The following IFT140 variants were observed in gnomAD, a reference collection of about 807,000 sequenced individuals.
IFT140 encodes intraflagellar transport protein 140 homolog.
Under a neutral mutation model 164.6 loss-of-function variants are expected in IFT140, and 133 were observed. The ratio of observed to expected loss-of-function variants is 0.81; its 90% CI spans 0.70 to 0.93. The LOEUF is 0.93. Among genes scored for constraint, IFT140 ranks in the 40% least tolerant of loss-of-function variants. The pLI is 0.00. For missense variants in IFT140, 2,045 were observed against 1,972.3 expected, an observed-to-expected ratio of 1.04 and a Z score of -0.70; for synonymous variants, 860 against 817.3, an observed-to-expected ratio of 1.05 and a Z score of -0.89.
rs1351365349 is a variant in IFT140, at chr16:1,592,167, G to C, written c.634+9C>G. 7 of 1,613,932 alleles carry C rather than the reference G, an allele frequency of 4.3e-6. No individual in the cohort carries two copies. The highest frequency in any genetic ancestry group is 1.7e-5 in the Admixed American group (1 of 59,998). On this transcript the variant is annotated intron_variant, in intron 6 of 30. Transcript: ENST00000426508. ...AGGACCCCTGAGAATCACAACCAAAGTTCCTCACCGTCCATCAGACTGACA... is the reference window on the plus strand; with the variant it reads ...AGGACCCCTGAGAATCACAACCAAACTTCCTCACCGTCCATCAGACTGACA...
chr16:1,564,009 G>A lies in IFT140; in HGVS notation c.2055C>T (p.Arg685=), dbSNP rs201447957. The A allele has an allele frequency of 7.0e-6, 11 of 1,582,548 alleles. No homozygotes were observed. The highest frequency in any genetic ancestry group is 5.1e-5 in the Admixed American group (3 of 58,524). ...QSANGQPQDG[R]AGPAADVLIL... is the part of the protein sequence containing the mutation. ...AGGCAGAGCGTACCGCAGGGCCAGC[G>A]CGCCCATCTTGGGGCTGCCCGTTTG... Residue 685 remains arginine (R), a synonymous_variant, in exon 17 of 31, where the codon CGC becomes CGT. Transcript: ENST00000426508. This position sits in a 1 kb window ranked among gnomAD's most constrained non-coding sequence, Gnocchi z 5.5.
chr16:1,524,183 A>C, intron 24 of IFT140: 1 of 638,516 alleles, frequency 1.6e-6, no homozygotes, highest in Non-Finnish European at 2.6e-6. Context: ...AATACCTGAC[A>C]CGGGAGATGC....
At chr16:1,517,531 G>C (rs1357608616) in intron 30 of IFT140, among the ~76,000 whole-genome samples, 1 of 152,152 alleles carries the variant, frequency 6.6e-6, no homozygotes, top group Non-Finnish European at 1.5e-5. Flanking sequence ...CCCTAGGATG[G>C]CTACAGTTCG....
At chr16:1,611,414 C>T (rs2036313650) in intron 1 of IFT140, among the ~76,000 whole-genome samples, 1 of 150,532 alleles carries the variant, frequency 6.6e-6, no homozygotes, top group African/African-American at 2.5e-5. Flanking sequence ...AGGAGAATCG[C>T]CTGAGCCCCG....
At chr16:1,603,824 G>C (rs554070665) in intron 3 of IFT140, among the ~76,000 whole-genome samples, 10 of 152,170 alleles carry the variant, frequency 6.6e-5, no homozygotes, top group Non-Finnish European at 1.5e-4. Context: ...CAGCTTTGGG[G>C]AAGATATAAG....
At position 1,551,754 on chromosome 16, in the gene IFT140, C is replaced by G. The variant is rs2032657059; in HGVS notation, c.2399+6181G>C. ...TTGGGAGCTACCTATACAAAGGAGG[C>G]CACACCACACGTGCGTGGTCCGGCA... On this transcript the variant is annotated intron_variant, in intron 19 of 30. Coordinates refer to ENST00000426508, the MANE Select transcript of IFT140 (RefSeq NM_014714.4). The surrounding 1 kb of genome is among the most constrained non-coding windows in gnomAD (Gnocchi z 4.0). Among the ~76,000 whole-genome samples, 2 of 152,188 alleles carry G rather than the reference C, an allele frequency of 1.3e-5. No individual in the cohort carries two copies. The highest frequency in any genetic ancestry group is 1.3e-4 in the Admixed American group (2 of 15,282).
At chr16:1,511,539 CAGA>C (rs1213299331) in intron 30 of IFT140, among the ~76,000 whole-genome samples, 2 of 151,860 alleles carry the variant, frequency 1.3e-5, no homozygotes, top group East Asian at 3.9e-4. Context: ...ATGCATATGT[CAGA>C]GTGGAGGGCA....
In IFT140 at chr16:1,520,932, G is replaced by A. The variant is rs542802131; in HGVS notation, c.3454-124C>T. On this transcript the variant is annotated intron_variant, in intron 26 of 30. Coordinates refer to ENST00000426508, the MANE Select transcript of IFT140 (RefSeq NM_014714.4). ...CTCAGCGGCGGCTTCTGTCTAGCTG[G>A]GGTGGGTATGGAGGGGACAAGGATG... 1.1e-4 allele frequency: 92 copies of A among 811,762 alleles called. No homozygotes were observed. The South Asian group carries it at 1.6e-3, about 14-fold the overall frequency. The allele number at this position is 811,762 out of a possible 1,614,324, so 50.3% of individuals were successfully genotyped here. A position where few individuals can be genotyped will look rare whatever the true frequency, so the allele number is the denominator to read the frequency against.
rs1214446154 is a variant in IFT140 at position 1,525,213 on chromosome 16, C to A, written c.2864+18G>T. On this transcript the variant is annotated intron_variant, in intron 22 of 30. Coordinates refer to ENST00000426508, the MANE Select transcript of IFT140 (RefSeq NM_014714.4). Reference sequence around the variant, plus strand: ...CAGGATGGAGTGCGGTCCCACCAGCCCTGGTGGGGACACTCACTTATCCTT... The same window carrying A: ...CAGGATGGAGTGCGGTCCCACCAGCACTGGTGGGGACACTCACTTATCCTT... 6.4e-7 allele frequency: 1 copy of A among 1,559,394 alleles called. No individual in the cohort carries two copies. The highest frequency in any genetic ancestry group is 1.7e-5 in the Admixed American group (1 of 59,978).
rs761692949 is a variant in IFT140, at chr16:1,523,569, G to A, written c.3402C>T (p.Ile1134=). ...ALLARCSDFF[I]EHSQYERAVE... is the part of the protein sequence containing the mutation. ...CCGCCCTCTCGTACTGACTGTGCTC[G>A]ATGAAGAAGTCGGAGCAGCGGGCCA... Residue 1134 remains isoleucine, a synonymous_variant, in exon 26 of 31, where the codon ATC becomes ATT. Coordinates refer to ENST00000426508, the MANE Select transcript of IFT140 (RefSeq NM_014714.4). The A allele has an allele frequency of 1.7e-5, 27 of 1,613,532 alleles. No individual in the cohort carries two copies. The highest frequency in any genetic ancestry group is 1.9e-5 in the Non-Finnish European group (22 of 1,179,990).
chr16:1,567,539 C>T (rs543453154), intron 15 of IFT140, among the ~76,000 whole-genome samples: 10 of 152,368 alleles, frequency 6.6e-5, no homozygotes, highest in Admixed American at 1.3e-4. Context: ...TCCAAGCACA[C>T]GTGCCTCCTT....
At position 1,592,567 on chromosome 16, in the gene IFT140, T is replaced by C; in HGVS notation, c.391A>G (p.Arg131Gly). 1.9e-6 allele frequency: 3 copies of C among 1,614,094 alleles called. No homozygotes were observed. Among genetic ancestry groups the C allele is most frequent in the Non-Finnish European group, 2.5e-6 (3 of 1,180,018 alleles). Residue 131 changes from arginine (R) to glycine (G), a missense_variant, in exon 5 of 31, where the codon AGG becomes GGG. Physicochemically the swap from Arg to Gly is moderately radical, Grantham distance 125 (BLOSUM62 -2). Coordinates refer to ENST00000426508, the MANE Select transcript of IFT140 (RefSeq NM_014714.4). ...GDRLGVLLLW[R>G]LDQRGRVQGT... ...TGCACTCGGCCCCTTTGGTCCAACCTCCACAAGAGCAAGACACCAAGCTGG... is the reference window on the plus strand; with the variant it reads ...TGCACTCGGCCCCTTTGGTCCAACCCCCACAAGAGCAAGACACCAAGCTGG...
In IFT140 at chr16:1,596,878, G is replaced by A. The variant is rs572274113; in HGVS notation, c.370-4290C>T. On this transcript the variant is annotated intron_variant, in intron 4 of 30. Coordinates refer to ENST00000426508, the MANE Select transcript of IFT140 (RefSeq NM_014714.4). ...TTGTACCCGTCACCACTCCTGAGGG[G>A]TGTCTCTCCACCATCTGTGAATTCT... Among the ~76,000 whole-genome samples, 215 of 152,066 alleles carry A rather than the reference G, an allele frequency of 1.4e-3. 2 individuals carry two copies. The highest frequency in any genetic ancestry group is 5.0e-3 in the African/African-American group (209 of 41,392).
intron 8 of IFT140, 135 bp from the exon 9 acceptor site, chr16:1,587,439 G>A (rs1004018910): frequency 6.3e-6 from 4 of 638,010 alleles, no homozygotes; most frequent in Middle Eastern, 2.9e-4. Context: ...ATATGAAAAC[G>A]AACACTGCTG....
chr16:1,565,772 T>C (rs751340668), intron 16 of IFT140, among the ~76,000 whole-genome samples: 6 of 152,234 alleles, frequency 3.9e-5, no homozygotes, highest in South Asian at 4.1e-4. Context: ...ACTCCAGATA[T>C]AGTGAAGACA....
rs2745183 is a variant in IFT140 at position 1,531,769 on chromosome 16, A to G, written c.2400-4973T>C. On this transcript the variant is annotated intron_variant, in intron 19 of 30. Coordinates refer to ENST00000426508, the MANE Select transcript of IFT140 (RefSeq NM_014714.4). The surrounding 1 kb of genome is among the most constrained non-coding windows in gnomAD (Gnocchi z 4.7). ...CACCCCAGAAGTGCCAGGAGAGTGGAGGCCGATGCTGGCCTCTGCGAACCA... is the reference window on the plus strand; with the variant it reads ...CACCCCAGAAGTGCCAGGAGAGTGGGGGCCGATGCTGGCCTCTGCGAACCA... 0.22 allele frequency: 32,791 copies of G among 152,230 alleles called. 4,602 individuals carry two copies. Among genetic ancestry groups the G allele is most frequent in the African/African-American group, 0.39 (16,207 of 41,518 alleles). 9.4% of individuals were successfully genotyped at this position (152,230 alleles called of 1,614,324 possible).
chr16:1,561,825 C>A (rs142160200), intron 18 of IFT140, among the ~76,000 whole-genome samples, 160 bp downstream of exon 18: 2 of 152,108 alleles, frequency 1.3e-5, no homozygotes, highest in African/African-American at 4.8e-5. Context: ...GAATTTCAGG[C>A]GACAAGTGAG....
At chr16:1,530,528 C>T (rs544502574) in intron 19 of IFT140, among the ~76,000 whole-genome samples, 79 of 152,328 alleles carry the variant, frequency 5.2e-4, no homozygotes, top group Non-Finnish European at 1.0e-3. Context: ...TCTACCTGCC[C>T]CGCGTGGCTC....
Position 1,524,604 on chromosome 16 carries a change from A to ACCGCCTGCCCGACCT in IFT140, c.3074_3088dup (p.Glu1025_Ala1029dup). On this transcript the variant is annotated inframe_insertion, in exon 24 of 31. Coordinates refer to ENST00000426508, the MANE Select transcript of IFT140 (RefSeq NM_014714.4). ...GGCCTGTGCCCGGGTGTAGAAGTGC[A>ACCGCCTGCCCGACCT]CCGCCTGCCCGACCTCCTCCTGGCT... The ACCGCCTGCCCGACCT allele has an allele frequency of 6.2e-7, 1 of 1,606,072 alleles. No homozygotes were observed. Among genetic ancestry groups the ACCGCCTGCCCGACCT allele is most frequent in the Non-Finnish European group, 8.5e-7 (1 of 1,174,770 alleles).
Sources: gnomAD v4.1 joint callset for allele counts (sites outside exome capture counted in the v4.1 genomes callset) on GRCh38, gnomAD v4.1.1 for gene constraint, Gnocchi (gnomAD v3.1) non-coding constraint, MANE v1.5 for transcripts, NCBI Gene and HGNC (gene_info 2026-07-23, HGNC 2026-07-21) for gene names.